Variants in RHBDD1 observed in about 807,000 individuals in gnomAD.
RHBDD1 encodes rhomboid domain containing 1.
A neutral mutation model predicts 36.3 loss-of-function variants in RHBDD1; 38 were observed. The ratio of observed to expected loss-of-function variants is 1.05; its 90% CI spans 0.81 to 1.37. The LOEUF is 1.37. RHBDD1 is among the 40% of genes most tolerant of loss of function. The pLI is 0.00. For synonymous variants in RHBDD1, 151 were observed against 136.5 expected (o/e 1.11, Z -0.74); for missense variants, 393 against 377.6 (o/e 1.04, Z -0.34).
At chr2:226,900,625 A>G (rs1947506697) in intron 5 of RHBDD1, among the ~76,000 whole-genome samples, 1 of 152,162 alleles carries the variant, frequency 6.6e-6, no homozygotes, top group Non-Finnish European at 1.5e-5. Context: ...AGTGGGGTGG[A>G]CAGGGGGAGG....
intron 3 of RHBDD1, among the ~76,000 whole-genome samples, chr2:226,845,444 C>G (rs569322525): frequency 6.6e-6 from 1 of 152,166 alleles, no homozygotes; most frequent in Non-Finnish European, 1.5e-5. Context: ...GCTGGTGTAT[C>G]GTAGAGCCAA....
At chr2:226,862,260 A>G (rs1421579855) in intron 3 of RHBDD1, among the ~76,000 whole-genome samples, 1 of 151,742 alleles carries the variant, frequency 6.6e-6, no homozygotes, top group African/African-American at 2.4e-5. Flanking sequence ...CCTGGGAAGG[A>G]GGTTTTATGT....
At chr2:226,834,063 C>G (rs911278129), upstream of RHBDD1, among the ~76,000 whole-genome samples, 3 of 146,314 alleles carry the variant, frequency 2.1e-5, no homozygotes, top group Non-Finnish European at 4.4e-5. Flanking sequence ...TAAGAATATT[C>G]TTAATCCGTA....
intron 8 of RHBDD1, among the ~76,000 whole-genome samples, chr2:226,950,927 C>G (rs1229878387): frequency 1.3e-5 from 2 of 152,120 alleles, no homozygotes; most frequent in East Asian, 3.9e-4. Context: ...CATCAGTTGT[C>G]TCTTCACTTT....
intron 8 of RHBDD1, among the ~76,000 whole-genome samples, chr2:226,948,245 T>G (rs1212169947): frequency 6.8e-6 from 1 of 147,272 alleles, no homozygotes; most frequent in Non-Finnish European, 1.5e-5. Flanking sequence ...CCATAAAAAA[T>G]GATGAGTTCA....
At chr2:226,867,796 G>A (rs1241506581) in intron 5 of RHBDD1, 1 of 355,398 alleles carries the variant, frequency 2.8e-6, no homozygotes. Context: ...TCAGCTCACT[G>A]CAACCTCCAC....
At chr2:226,852,501 T>C (rs1942905024) in intron 3 of RHBDD1, among the ~76,000 whole-genome samples, 1 of 151,958 alleles carries the variant, frequency 6.6e-6, no homozygotes, top group South Asian at 2.1e-4. Context: ...GCTCTCTTGC[T>C]CTCTTTCTAC....
chr2:226,900,357 T>G (rs1009163248), intron 5 of RHBDD1, among the ~76,000 whole-genome samples: 1 of 152,168 alleles, frequency 6.6e-6, no homozygotes, highest in Non-Finnish European at 1.5e-5. Flanking sequence ...GAAAAATTAT[T>G]TTTCTTCTCA....
chr2:226,836,568 C>T (rs1940990010), intron 1 of RHBDD1, among the ~76,000 whole-genome samples: 1 of 152,154 alleles, frequency 6.6e-6, no homozygotes, highest in African/African-American at 2.4e-5. Flanking sequence ...CAAAGTAAAC[C>T]CTTTCTGTCC....
chr2:226,832,478 G>A (rs1221723470), upstream of RHBDD1, among the ~76,000 whole-genome samples: 1 of 152,164 alleles, frequency 6.6e-6, no homozygotes, highest in African/African-American at 2.4e-5. Context: ...GTACATGTTG[G>A]TTAGGTTGAG....
chr2:226,817,325 A>G, the RHBDD1 span, among the ~76,000 whole-genome samples: 4 of 152,182 alleles, frequency 2.6e-5, no homozygotes, highest in Admixed American at 6.5e-5. Context: ...ACGGTAAATG[A>G]TTGTTCAGTT....
the RHBDD1 span, among the ~76,000 whole-genome samples, chr2:226,826,434 T>C: frequency 6.6e-6 from 1 of 152,194 alleles, no homozygotes; most frequent in Non-Finnish European, 1.5e-5. Flanking sequence ...CATGTCTACT[T>C]GCAAATGCAT....
intron 8 of RHBDD1, among the ~76,000 whole-genome samples, chr2:226,979,694 C>G (rs1186630941): frequency 6.6e-6 from 1 of 152,214 alleles, no homozygotes; most frequent in East Asian, 1.9e-4. Context: ...GGTGCCCACC[C>G]ACATTGGGGC....
At chr2:226,955,350 G>A (rs1172571409) in intron 8 of RHBDD1, among the ~76,000 whole-genome samples, 2 of 152,210 alleles carry the variant, frequency 1.3e-5, no homozygotes, top group African/African-American at 4.8e-5. Context: ...ATTAAAGCTT[G>A]TTAAAAGTTG....
chr2:226,857,880 A>G (rs1943484372), intron 3 of RHBDD1, among the ~76,000 whole-genome samples: 1 of 152,210 alleles, frequency 6.6e-6, no homozygotes, highest in Non-Finnish European at 1.5e-5. Context: ...ATACTAAAAA[A>G]AAACACTGAA....
chr2:226,908,870 A>T lies in RHBDD1; in HGVS notation c.704A>T (p.Asn235Ile). 6.3e-7 allele frequency: 1 copy of T among 1,593,242 alleles called. No individual in the cohort carries two copies. The highest frequency in any genetic ancestry group is 1.7e-4 in the Middle Eastern group (1 of 6,020). The stretch of plus-strand genomic sequence containing the variant: ...TACCCAGGACGGCAATACTACTTTA[A>T]TAGTTCAGGTAGGCACTGTATTTCA... ...VGYPGRQYYF[N>I]SSGSSGYQDY... Residue 235 changes from asparagine (N) to isoleucine (I), a missense_variant, in exon 7 of 9, where the codon AAT becomes ATT. Physicochemically the swap from Asn to Ile is moderately radical, Grantham distance 149. Coordinates refer to ENST00000392062, the MANE Select transcript of RHBDD1 (RefSeq NM_001167608.3).
At chr2:226,944,409 G>A (rs1950844925) in intron 8 of RHBDD1, among the ~76,000 whole-genome samples, 1 of 152,098 alleles carries the variant, frequency 6.6e-6, no homozygotes, top group South Asian at 2.1e-4. Context: ...ACCAGGCTAG[G>A]GGGACACTGT....
At chr2:226,991,699 TAAGGAA>T (rs984098380) in intron 8 of RHBDD1, among the ~76,000 whole-genome samples, 11 of 152,242 alleles carry the variant, frequency 7.2e-5, no homozygotes, top group African/African-American at 2.6e-4. Context: ...ATTTTATAGA[TAAGGAA>T]ACTAAGACCA....
At chr2:226,924,145 C>G (rs1949514751) in intron 8 of RHBDD1, among the ~76,000 whole-genome samples, 1 of 152,206 alleles carries the variant, frequency 6.6e-6, no homozygotes, top group Admixed American at 6.5e-5. Flanking sequence ...GTCTCTGAGT[C>G]TCACCCAGAT....
Sources: allele counts gnomAD v4.1 joint callset (sites outside exome capture counted in the v4.1 genomes callset), GRCh38; gene constraint gnomAD v4.1.1; transcripts MANE v1.5; gene names NCBI Gene and HGNC (gene_info 2026-07-23, HGNC 2026-07-21).